SERPINE2: variants seen among roughly 807,000 people sequenced by gnomAD.
SERPINE2 encodes the protein glia-derived nexin.
In SERPINE2, 14 loss-of-function variants were observed where a neutral mutation model predicts 36.3. The observed-to-expected ratio is 0.39, with a 90% CI of 0.25 to 0.60. The LOEUF (loss-of-function observed/expected upper bound fraction) is 0.60. Among genes scored for constraint, SERPINE2 ranks in the 20% least tolerant of loss-of-function variants. The pLI, the probability that SERPINE2 is intolerant of heterozygous loss-of-function variation, is 0.57. For missense variants in SERPINE2, 418 were observed against 499.6 expected (o/e 0.84, Z 1.56); for synonymous variants, 192 against 191.8 (o/e 1.00, Z -0.01).
intron 1 of SERPINE2, among the ~76,000 whole-genome samples, chr2:224,007,550 C>G (rs568429189): frequency 2.4e-4 from 37 of 152,292 alleles, no homozygotes; most frequent in African/African-American, 7.9e-4. Flanking sequence ...AACATATAGA[C>G]TCAGCCTAAG....
At chr2:224,014,268 A>G (rs1691723691) in intron 1 of SERPINE2, among the ~76,000 whole-genome samples, 1 of 152,154 alleles carries the variant, frequency 6.6e-6, no homozygotes, top group Non-Finnish European at 1.5e-5. Context: ...CCAGCTGCTC[A>G]AGAGGCTGAG....
intron 3 of SERPINE2, among the ~76,000 whole-genome samples, chr2:223,994,742 T>C (rs923032409): frequency 2.6e-5 from 4 of 152,334 alleles, no homozygotes; most frequent in East Asian, 3.9e-4. Context: ...GAAATGGCTA[T>C]AAAAATAGCT....
intron 1 of SERPINE2, among the ~76,000 whole-genome samples, chr2:224,005,187 T>C (rs1182286827): frequency 6.6e-6 from 1 of 150,482 alleles, no homozygotes; most frequent in Non-Finnish European, 1.5e-5. Flanking sequence ...GTCTCCCAAA[T>C]AAACAGCCAT....
At chr2:224,029,291 T>C (rs769869447) in intron 1 of SERPINE2, among the ~76,000 whole-genome samples, 2 of 152,192 alleles carry the variant, frequency 1.3e-5, no homozygotes, top group Non-Finnish European at 2.9e-5. Flanking sequence ...TGGCATCCCC[T>C]AATCTCACTG....
At chr2:224,028,233 G>A (rs1183429855) in intron 1 of SERPINE2, among the ~76,000 whole-genome samples, 1 of 152,198 alleles carries the variant, frequency 6.6e-6, no homozygotes, top group African/African-American at 2.4e-5. Flanking sequence ...CAAGCAACTT[G>A]AGTCACTGTA....
chr2:224,036,938 C>G (rs995641983), intron 1 of SERPINE2, among the ~76,000 whole-genome samples: 1 of 151,834 alleles, frequency 6.6e-6, no homozygotes, highest in African/African-American at 2.4e-5. Flanking sequence ...CAGGACACAG[C>G]TGGAGACATT....
At chr2:224,003,016 A>G (rs1691246934) in intron 1 of SERPINE2, among the ~76,000 whole-genome samples, 1 of 152,128 alleles carries the variant, frequency 6.6e-6, no homozygotes, top group African/African-American at 2.4e-5. Flanking sequence ...GATAAAATAC[A>G]GGGATGCGAG....
intron 1 of SERPINE2, among the ~76,000 whole-genome samples, chr2:224,027,672 C>A (rs1427394130): frequency 6.6e-6 from 1 of 152,158 alleles, no homozygotes; most frequent in Non-Finnish European, 1.5e-5. Flanking sequence ...AGACAATGCT[C>A]CCTGATTGCC....
chr2:224,030,991 C>G, intron 1 of SERPINE2: 1 of 985,414 alleles, frequency 1.0e-6, no homozygotes, highest in Non-Finnish European at 1.2e-6. Flanking sequence ...AGATACTGGC[C>G]TCTTTCTGTA....
At chr2:223,993,476 C>T (rs550043209) in intron 3 of SERPINE2, among the ~76,000 whole-genome samples, 38 of 151,832 alleles carry the variant, frequency 2.5e-4, no homozygotes, top group African/African-American at 9.2e-4. Flanking sequence ...AAATAGGGAT[C>T]AGTAATGCCC....
At chr2:224,005,052 T>C (rs1183892585) in intron 1 of SERPINE2, among the ~76,000 whole-genome samples, 1 of 23,100 alleles carries the variant, frequency 4.3e-5, no homozygotes, top group Non-Finnish European at 1.1e-4. Flanking sequence ...ATATTTTATA[T>C]ATTTTATATA....
chr2:224,038,559 C>A, intron 1 of SERPINE2: 1 of 1,530,472 alleles, frequency 6.5e-7, no homozygotes, highest in Non-Finnish European at 8.9e-7. Context: ...CCTGCTCGCT[C>A]GGGTTAAATC....
chr2:224,014,992 G>T (rs1329953264), intron 1 of SERPINE2, among the ~76,000 whole-genome samples: 2 of 151,654 alleles, frequency 1.3e-5, no homozygotes, highest in Admixed American at 6.6e-5. Context: ...CATTTTTTTT[G>T]GTTTTCACCA....
chr2:224,008,742 C>G (rs912638645), intron 1 of SERPINE2, among the ~76,000 whole-genome samples: 1 of 152,208 alleles, frequency 6.6e-6, no homozygotes, highest in Non-Finnish European at 1.5e-5. Context: ...GCACCCTTAT[C>G]TAATAAACCC....
At chr2:224,019,384 C>A (rs1433683833) in intron 1 of SERPINE2, among the ~76,000 whole-genome samples, 1 of 152,182 alleles carries the variant, frequency 6.6e-6, no homozygotes. Flanking sequence ...GTAACTTAGG[C>A]CACCAATAAG....
chr2:223,989,657 G>A lies in SERPINE2; in HGVS notation c.685+2146C>T, dbSNP rs117942260. ...CTCTCATGCCCTGCTGCATGGCCCA[G>A]AACAGAGTCGCATCCAGTTCCAGGT... On this transcript the variant is annotated intron_variant, in intron 4 of 8. Coordinates refer to ENST00000409304, the MANE Select transcript of SERPINE2 (RefSeq NM_001136528.2). Among the ~76,000 whole-genome samples, 63 of 152,334 alleles carry A rather than the reference G, an allele frequency of 4.1e-4. 1 individual carries two copies. In the East Asian group the frequency reaches 0.012, roughly 28 times the overall value.
At chr2:224,019,102 G>A (rs561532722) in intron 1 of SERPINE2, among the ~76,000 whole-genome samples, 2 of 152,274 alleles carry the variant, frequency 1.3e-5, no homozygotes, top group South Asian at 2.1e-4. Context: ...CAGGAAATAC[G>A]TTCTAAGACC....
chr2:224,016,554 T>A (rs977438218), intron 1 of SERPINE2, among the ~76,000 whole-genome samples: 3 of 152,224 alleles, frequency 2.0e-5, no homozygotes, highest in Non-Finnish European at 4.4e-5. Context: ...TTATTTATTT[T>A]TTTTTAATGT....
intron 5 of SERPINE2, 71 bp downstream of exon 5, chr2:223,984,681 T>C (rs1574812499): frequency 1.4e-6 from 2 of 1,448,332 alleles, no homozygotes; most frequent in Non-Finnish European, 1.9e-6. Context: ...CCTCATGTTG[T>C]CTGGTGTCCG....
Sources: gnomAD v4.1 joint callset for allele counts (sites outside exome capture counted in the v4.1 genomes callset) on GRCh38, gnomAD v4.1.1 for gene constraint, MANE v1.5 for transcripts, NCBI Gene and HGNC (gene_info 2026-07-23, HGNC 2026-07-21) for gene names.